The following DOCK5 variants were observed in gnomAD, a reference collection of about 807,000 sequenced individuals.
The protein encoded by DOCK5 is dedicator of cytokinesis 5.
In DOCK5, 142 loss-of-function variants were observed where a neutral mutation model predicts 251.8. The observed-to-expected ratio is 0.56, with a 90% CI of 0.49 to 0.65. The LOEUF (loss-of-function observed/expected upper bound fraction) is 0.65. Ranked by LOEUF, DOCK5 falls within the 30% of genes least tolerant of loss-of-function variation. The probability of loss-of-function intolerance (pLI) is 0.00; values close to 1 mark genes in which losing one functional copy is unlikely to be tolerated. For missense variants in DOCK5, 2,111 were observed against 2,312.3 expected (o/e 0.91, Z 1.79); for synonymous variants, 842 against 835.5 (o/e 1.01, Z -0.13).
chr8:25,372,766 C>T (rs749806667), intron 35 of DOCK5, 48 bp downstream of exon 35: 3 of 1,564,532 alleles, frequency 1.9e-6, no homozygotes, highest in Non-Finnish European at 1.7e-6. Flanking sequence ...TCAGGCCGCC[C>T]CTGCACCCTA....
chr8:25,351,297 A>G (rs1586352713), intron 26 of DOCK5: 1 of 158,850 alleles, frequency 6.3e-6, no homozygotes, highest in South Asian at 1.8e-4. Context: ...TGACCTTGTA[A>G]TCCGCCCGCC....
intron 1 of DOCK5, among the ~76,000 whole-genome samples, chr8:25,219,843 C>T (rs981067242): frequency 8.0e-5 from 12 of 149,508 alleles, no homozygotes; most frequent in African/African-American, 2.5e-4. Context: ...ATCGTCTTTC[C>T]GTTATTTGTG....
intron 40 of DOCK5, among the ~76,000 whole-genome samples, chr8:25,386,731 GA>G (rs1407395744): frequency 2.0e-5 from 3 of 152,188 alleles, no homozygotes; most frequent in African/African-American, 7.2e-5. Context: ...CATGTCCCAT[GA>G]AATCAGAAAT....
rs1801473611 is a variant in DOCK5, at chr8:25,403,570, A to G, written c.4939A>G (p.Thr1647Ala). ...CATATGTTTTCAGCCACCCAACTTG[A>G]CGGAGAGGAAGCAAAGCCGCACGGG... ...YGVITLPPNL[T>A]ERKQSRTGSI... Residue 1647 changes from threonine (T) to alanine (A), a missense_variant, in exon 48 of 52, where the codon ACG (threonine) becomes GCG (alanine). Thr to Ala is a moderately conservative substitution (Grantham distance 58, BLOSUM62 0). Around this residue, in one of 3 missense-constraint regions of DOCK5, gnomAD observed 1,717 missense variants for 1,892.4 expected, o/e 0.91. Transcript: ENST00000276440. 6.2e-7 allele frequency: 1 copy of G among 1,613,792 alleles called. No homozygotes were observed. Among genetic ancestry groups the G allele is most frequent in the Non-Finnish European group, 8.5e-7 (1 of 1,179,800 alleles).
At chr8:25,326,339 C>T (rs1396329283) in intron 18 of DOCK5, among the ~76,000 whole-genome samples, 1 of 151,950 alleles carries the variant, frequency 6.6e-6, no homozygotes, top group Non-Finnish European at 1.5e-5. Flanking sequence ...CCAAGATAGA[C>T]AAAAAAGTGT....
chr8:25,406,815 A>ACGAGGTTTC (rs1477151305), intron 48 of DOCK5, among the ~76,000 whole-genome samples: 2 of 151,864 alleles, frequency 1.3e-5, no homozygotes, highest in Non-Finnish European at 2.9e-5. Context: ...CTTAGTAGAG[A>ACGAGGTTTC]CGAGGTTTCA....
intron 23 of DOCK5, 42 bp downstream of exon 23, chr8:25,341,030 G>T (rs1174091054): frequency 3.3e-6 from 5 of 1,509,924 alleles, no homozygotes; most frequent in Non-Finnish European, 4.6e-6. Flanking sequence ...TTAGGCTGTG[G>T]TAAGGATGTT....
intron 2 of DOCK5, among the ~76,000 whole-genome samples, chr8:25,254,380 G>C (rs1363748643): frequency 6.6e-6 from 1 of 152,124 alleles, no homozygotes; most frequent in African/African-American, 2.4e-5. Flanking sequence ...AAAGAAATAA[G>C]TGATAAACTG....
At position 25,384,406 on chromosome 8, in the gene DOCK5, T is replaced by G. The variant is rs147366784; in HGVS notation, c.4131+1628T>G. Among the ~76,000 whole-genome samples, 654 of 151,808 alleles carry G rather than the reference T, an allele frequency of 4.3e-3. 5 individuals are homozygous for G. The highest frequency in any genetic ancestry group is 0.015 in the African/African-American group (626 of 41,454). On this transcript the variant is annotated intron_variant, in intron 40 of 51. Transcript: ENST00000276440. Reference sequence around the variant, plus strand: ...ACTAAAAGGGGTCCATTTTACTGTATGTAGATTATGTCTTAATATTATTAT... The same window carrying G: ...ACTAAAAGGGGTCCATTTTACTGTAGGTAGATTATGTCTTAATATTATTAT...
chr8:25,336,734 G>T lies in DOCK5; in HGVS notation c.2327+361G>T, dbSNP rs1207774518. Reference sequence around the variant, plus strand: ...CAGCAGTCATCTCAGGGGAGGTGTTGCCTGAGATGAGTGTTTCCTTGTTGA... The same window carrying T: ...CAGCAGTCATCTCAGGGGAGGTGTTTCCTGAGATGAGTGTTTCCTTGTTGA... On this transcript the variant is annotated intron_variant, in intron 22 of 51. Coordinates refer to ENST00000276440, the MANE Select transcript of DOCK5 (RefSeq NM_024940.8). 7.9e-5 allele frequency among the ~76,000 whole-genome samples: 12 copies of T among 152,160 alleles called. No homozygotes were observed. The East Asian group carries it at 2.1e-3, about 27-fold the overall frequency.
intron 2 of DOCK5, among the ~76,000 whole-genome samples, chr8:25,249,600 T>G (rs1803212697): frequency 6.6e-6 from 1 of 152,250 alleles, no homozygotes; most frequent in East Asian, 1.9e-4. Context: ...GGACTTCATC[T>G]CTCTCGCCCT....
At chr8:25,315,190 G>A (rs2468893) in intron 13 of DOCK5, among the ~76,000 whole-genome samples, 96,416 of 107,504 alleles carry the variant, frequency 0.9, 43,895 homozygotes, top group Middle Eastern at 0.97. Context: ...ATCTGTCTCT[G>A]CAGCCTCATC....
intron 45 of DOCK5, among the ~76,000 whole-genome samples, chr8:25,396,020 A>G (rs907325656): frequency 2.0e-4 from 31 of 152,178 alleles, no homozygotes; most frequent in Admixed American, 9.2e-4. Context: ...GGTGGACCCC[A>G]GAACCCAGGC....
At chr8:25,363,990 ATGT>A (rs780736553) in intron 29 of DOCK5, among the ~76,000 whole-genome samples, 2 of 152,228 alleles carry the variant, frequency 1.3e-5, no homozygotes, top group African/African-American at 4.8e-5. Flanking sequence ...ATAGATGTAC[ATGT>A]TGTTAATTTC....
intron 25 of DOCK5, among the ~76,000 whole-genome samples, chr8:25,343,108 C>T (rs545533224): frequency 1.1e-4 from 16 of 152,096 alleles, no homozygotes; most frequent in Non-Finnish European, 1.8e-4. Flanking sequence ...AAGTGATTCT[C>T]CTGCCTCAGC....
chr8:25,312,960 T>C (rs573185392), intron 13 of DOCK5, among the ~76,000 whole-genome samples: 270 of 152,056 alleles, frequency 1.8e-3, no homozygotes, highest in African/African-American at 6.2e-3. Flanking sequence ...TCTAGAACAA[T>C]CGTTTCCAGT....
intron 1 of DOCK5, among the ~76,000 whole-genome samples, chr8:25,225,233 A>T (rs1255110045): frequency 2.0e-5 from 3 of 152,238 alleles, no homozygotes; most frequent in Non-Finnish European, 4.4e-5. Flanking sequence ...GTGATCCAGC[A>T]ATTCCACTTC....
chr8:25,186,367 GGTTT>G (rs1801431863), intron 1 of DOCK5, among the ~76,000 whole-genome samples: 3 of 79,548 alleles, frequency 3.8e-5, no homozygotes, highest in Admixed American at 2.6e-4. Flanking sequence ...TTTTTTTTTT[GGTTT>G]GTTTGTTTTT....
chr8:25,237,320 C>T (rs1366057530), intron 1 of DOCK5, among the ~76,000 whole-genome samples: 2 of 151,958 alleles, frequency 1.3e-5, no homozygotes, highest in Admixed American at 1.3e-4. Flanking sequence ...CAGTGACCCA[C>T]GATTGTGCCA....
Sources: allele counts gnomAD v4.1 joint callset (sites outside exome capture counted in the v4.1 genomes callset), GRCh38; gene constraint gnomAD v4.1.1; regional missense constraint gnomAD v4.1.1; transcripts MANE v1.5; gene names NCBI Gene and HGNC (gene_info 2026-07-23, HGNC 2026-07-21).